Variants in SLC9A4 observed in about 807,000 individuals in gnomAD.
The protein encoded by SLC9A4 is sodium/hydrogen exchanger 4.
A neutral mutation model predicts 67.4 loss-of-function variants in SLC9A4; 63 were observed. The ratio of observed to expected loss-of-function variants is 0.93; its 90% CI spans 0.76 to 1.15. The LOEUF (loss-of-function observed/expected upper bound fraction) is 1.15, where lower values mean the gene tolerates loss of function less well. Among genes scored for constraint, SLC9A4 ranks in the 50% most tolerant of loss-of-function variants. The pLI, the probability that SLC9A4 is intolerant of heterozygous loss-of-function variation, is 0.00. For synonymous variants in SLC9A4, 393 were observed against 367.2 expected (o/e 1.07, Z -0.80); for missense variants, 1,089 against 987.7 (o/e 1.10, Z -1.38).
chr2:102,512,462 G>C (rs1461483565), intron 7 of SLC9A4, among the ~76,000 whole-genome samples, 189 bp downstream of exon 7: 2 of 152,202 alleles, frequency 1.3e-5, no homozygotes, highest in Non-Finnish European at 2.9e-5. Flanking sequence ...TCAGGTGGAA[G>C]ACGCAGTTGA....
rs541250756 is a variant in SLC9A4, at chr2:102,497,580, A to T, written c.721-5868A>T. ...TCATGCTGAGTTAAATAAGCCCGAA[A>T]AAAGGAGTTCATAATTTATTATTCA... On this transcript the variant is annotated intron_variant, in intron 2 of 11. Transcript: ENST00000295269. 1.2e-3 allele frequency among the ~76,000 whole-genome samples: 180 copies of T among 152,340 alleles called. 1 individual carries two copies. Among genetic ancestry groups the T allele is most frequent in the African/African-American group, 4.1e-3 (172 of 41,566 alleles).
chr2:102,474,532 G>A (rs1684287813), intron 1 of SLC9A4, among the ~76,000 whole-genome samples: 1 of 152,178 alleles, frequency 6.6e-6, no homozygotes, highest in Non-Finnish European at 1.5e-5. Flanking sequence ...ATTACTCAGT[G>A]ATGGGATGTC....
At chr2:102,513,917 A>T (rs561316477) in intron 7 of SLC9A4, among the ~76,000 whole-genome samples, 173 bp from the exon 8 acceptor site, 2 of 152,298 alleles carry the variant, frequency 1.3e-5, no homozygotes, top group East Asian at 3.9e-4. Flanking sequence ...AAAATGCATA[A>T]ATGCTATGAA....
At chr2:102,488,824 G>A (rs1684642935) in intron 2 of SLC9A4, among the ~76,000 whole-genome samples, 1 of 152,202 alleles carries the variant, frequency 6.6e-6, no homozygotes, top group Admixed American at 6.5e-5. Flanking sequence ...TGGAATTACA[G>A]GCGTGAGCCA....
chr2:102,498,977 G>A (rs868014453), intron 2 of SLC9A4, among the ~76,000 whole-genome samples: 4 of 152,198 alleles, frequency 2.6e-5, no homozygotes, highest in Non-Finnish European at 4.4e-5. Flanking sequence ...AGCCCAGGGG[G>A]ATGGGAGAGC....
chr2:102,511,387 T>A (rs1375839604), intron 6 of SLC9A4, among the ~76,000 whole-genome samples: 1 of 152,150 alleles, frequency 6.6e-6, no homozygotes, highest in African/African-American at 2.4e-5. Context: ...TCCACCTAAG[T>A]CCATGGAACT....
At chr2:102,529,688 G>A (rs990414427) in intron 11 of SLC9A4, among the ~76,000 whole-genome samples, 1 of 152,196 alleles carries the variant, frequency 6.6e-6, no homozygotes, top group Non-Finnish European at 1.5e-5. Flanking sequence ...ATGGCTGGAG[G>A]GGATCTAGGG....
chr2:102,528,442 C>A (rs1232780424), intron 11 of SLC9A4, among the ~76,000 whole-genome samples: 2 of 150,002 alleles, frequency 1.3e-5, no homozygotes, highest in African/African-American at 4.9e-5. Flanking sequence ...AGAAAAAAAT[C>A]TTAAAAAGGG....
chr2:102,525,825 A>C (rs539067499), intron 10 of SLC9A4, among the ~76,000 whole-genome samples: 12 of 152,282 alleles, frequency 7.9e-5, no homozygotes, highest in African/African-American at 2.9e-4. Flanking sequence ...AAAACAAAAA[A>C]ACTAAAAGCC....
At chr2:102,504,183 G>A (rs570490045) in intron 3 of SLC9A4, among the ~76,000 whole-genome samples, 1 of 152,302 alleles carries the variant, frequency 6.6e-6, no homozygotes, top group African/African-American at 2.4e-5. Context: ...CTCCTGAGTA[G>A]CTGGGACTAC....
chr2:102,508,893 C>A lies in SLC9A4; in HGVS notation c.1448C>A (p.Thr483Asn), dbSNP rs151304810. The change falls in exon 6 of 12, where the codon ACC (threonine) becomes AAC (asparagine). Residue 483 changes from threonine (T) to asparagine (N), a missense_variant. Coordinates refer to ENST00000295269, the MANE Select transcript of SLC9A4 (RefSeq NM_001011552.4). The stretch of plus-strand genomic sequence containing the variant: ...GTCAGGTACCTGGATGTTAAAAAAA[C>A]CAATAAAAAAGAATCCATCAATGAA... The part of the protein sequence containing the change: ...PLVRYLDVKK[T>N]NKKESINEEL... 6.2e-5 allele frequency: 100 copies of A among 1,612,578 alleles called. No individual in the cohort carries two copies. The highest frequency in any genetic ancestry group is 7.4e-5 in the Non-Finnish European group (87 of 1,179,446).
intron 2 of SLC9A4, among the ~76,000 whole-genome samples, chr2:102,496,274 G>T (rs1684808173): frequency 6.6e-6 from 1 of 152,152 alleles, no homozygotes; most frequent in Admixed American, 6.6e-5. Flanking sequence ...ATGAAAATAT[G>T]CGCAACATAG....
intron 2 of SLC9A4, among the ~76,000 whole-genome samples, chr2:102,486,874 G>A (rs1271981629): frequency 6.6e-6 from 1 of 152,208 alleles, no homozygotes; most frequent in Non-Finnish European, 1.5e-5. Flanking sequence ...CATCTGCCGG[G>A]TGTCTGTCAG....
At chr2:102,508,382 T>C (rs1016507565) in intron 5 of SLC9A4, 101 bp downstream of exon 5, 1 of 1,096,092 alleles carries the variant, frequency 9.1e-7, no homozygotes, top group Non-Finnish European at 1.3e-6. Flanking sequence ...TTTTCAGATC[T>C]GTGCTCAATA....
rs566383363 is a variant in SLC9A4 at position 102,487,893 on chromosome 2, G to A, written c.720+8591G>A. 2.6e-4 allele frequency among the ~76,000 whole-genome samples: 39 copies of A among 152,264 alleles called. No homozygotes were observed. In the South Asian group the frequency reaches 5.2e-3, roughly 20 times the overall value. ...AAGCGCATGGGAGAAGTTCTCTCCC[G>A]CCAGCCTTGCTGAGTGCCTGGGATG... On this transcript the variant is annotated intron_variant, in intron 2 of 11. Transcript: ENST00000295269.
intron 2 of SLC9A4, among the ~76,000 whole-genome samples, chr2:102,483,511 G>A (rs1409552538): frequency 1.3e-5 from 2 of 152,114 alleles, no homozygotes; most frequent in South Asian, 4.1e-4. Flanking sequence ...CTTCATCCAC[G>A]AAAGAGCTGC....
chr2:102,478,323 A>G (rs1378657794), intron 1 of SLC9A4, among the ~76,000 whole-genome samples: 1 of 152,244 alleles, frequency 6.6e-6, no homozygotes. Context: ...ACTCATGAGA[A>G]TGCGACCTGA....
intron 2 of SLC9A4, among the ~76,000 whole-genome samples, chr2:102,491,069 A>T (rs183975277): frequency 1.7e-3 from 255 of 152,320 alleles, no homozygotes; most frequent in Non-Finnish European, 3.2e-3. Flanking sequence ...TTCTTGAGAA[A>T]AAAACAAACA....
intron 2 of SLC9A4, among the ~76,000 whole-genome samples, chr2:102,482,001 TACATGA>T (rs1482473878): frequency 6.6e-6 from 1 of 152,168 alleles, no homozygotes; most frequent in Non-Finnish European, 1.5e-5. Context: ...AGGAGGCCCA[TACATGA>T]AGCCGGACGT....
Sources: allele counts gnomAD v4.1 joint callset (sites outside exome capture counted in the v4.1 genomes callset), GRCh38; gene constraint gnomAD v4.1.1; transcripts MANE v1.5; gene names NCBI Gene and HGNC (gene_info 2026-07-23, HGNC 2026-07-21).